The following NEDD4L variants were observed in gnomAD, a reference collection of about 807,000 sequenced individuals.
The protein encoded by NEDD4L is NEDD4 like E3 ubiquitin protein ligase.
In NEDD4L, 54 loss-of-function variants were observed where a neutral mutation model predicts 148.9. That is an observed-to-expected ratio of 0.36 (90% CI 0.29 to 0.45). The LOEUF (loss-of-function observed/expected upper bound fraction) is 0.45, where lower values mean the gene tolerates loss of function less well. Among genes scored for constraint, NEDD4L ranks in the 20% least tolerant of loss-of-function variants. NEDD4L has a pLI of 1.00. For missense variants in NEDD4L, 856 were observed against 1,233.8 expected (o/e 0.69, Z 4.59); for synonymous variants, 433 against 440.7 (o/e 0.98, Z 0.22).
intron 2 of NEDD4L, among the ~76,000 whole-genome samples, chr18:58,176,756 C>T (rs2038205408): frequency 6.6e-6 from 1 of 152,202 alleles, no homozygotes; most frequent in Non-Finnish European, 1.5e-5. Flanking sequence ...ACCAAAGACA[C>T]CTCTGCTTTA....
At chr18:58,181,239 C>T (rs565458888) in intron 2 of NEDD4L, among the ~76,000 whole-genome samples, 2 of 152,054 alleles carry the variant, frequency 1.3e-5, no homozygotes, top group South Asian at 2.1e-4. Context: ...TAGAATTATC[C>T]AAATAAAATG....
intron 2 of NEDD4L, among the ~76,000 whole-genome samples, chr18:58,169,110 C>T (rs1015211131): frequency 6.6e-5 from 10 of 152,342 alleles, no homozygotes; most frequent in Admixed American, 2.0e-4. Context: ...TGGCCCCTTC[C>T]CCCTTGAGAG....
intron 5 of NEDD4L, among the ~76,000 whole-genome samples, chr18:58,292,030 T>C (rs1678655943): frequency 6.6e-6 from 1 of 152,166 alleles, no homozygotes; most frequent in South Asian, 2.1e-4. Context: ...CTGGGAAAAG[T>C]ACCACAAAAG....
chr18:58,365,353 C>A lies in NEDD4L; in HGVS notation c.1834-646C>A, dbSNP rs190877599. ...GGCTCTCACATAGCAGTGTCTGCTA[C>A]CCGGAAACCATCTCTGCACATTCAT... On this transcript the variant is annotated intron_variant, in intron 20 of 30. Coordinates refer to ENST00000400345, the MANE Select transcript of NEDD4L (RefSeq NM_001144967.3). Among the ~76,000 whole-genome samples, 4 of 152,276 alleles carry A rather than the reference C, an allele frequency of 2.6e-5. 1 individual carries two copies. Among genetic ancestry groups the A allele is most frequent in the Admixed American group, 2.6e-4 (4 of 15,300 alleles).
intron 5 of NEDD4L, chr18:58,255,408 C>T: frequency 1.1e-6 from 1 of 902,366 alleles, no homozygotes; most frequent in Non-Finnish European, 1.4e-6. Context: ...GTTCTGGCCA[C>T]CCTACCCTCT....
At chr18:58,129,801 G>T (rs2031754154) in intron 1 of NEDD4L, among the ~76,000 whole-genome samples, 1 of 150,694 alleles carries the variant, frequency 6.6e-6, no homozygotes, top group Non-Finnish European at 1.5e-5. Flanking sequence ...GTTGGGCTCT[G>T]TTGGGGTTTG....
chr18:58,312,672 TTTTG>T (rs140393997), intron 5 of NEDD4L, among the ~76,000 whole-genome samples: 11,114 of 152,064 alleles, frequency 0.073, 1,303 homozygotes, highest in African/African-American at 0.25. Flanking sequence ...TGAAGACATT[TTTTG>T]TTTGTTTGTT....
At chr18:58,285,454 C>A (rs7231823) in intron 5 of NEDD4L, among the ~76,000 whole-genome samples, 1 of 151,840 alleles carries the variant, frequency 6.6e-6, no homozygotes, top group Non-Finnish European at 1.5e-5. Flanking sequence ...TTAGCCTCCC[C>A]AGTAGCTTGG....
In NEDD4L at chr18:58,251,513, C is replaced by CTCTG. The variant is rs201716829; in HGVS notation, c.244-474_244-471dup. ...TGGGCAACAGAACAAGACCGTCTGTCTCTGTCTGTCTGTCTGTGTGTTTGT... is the reference window on the plus strand; with the variant it reads ...TGGGCAACAGAACAAGACCGTCTGTCTCTGTCTGTCTGTCTGTCTGTGTGTTTGT... On this transcript the variant is annotated intron_variant, in intron 4 of 30. Transcript: ENST00000400345. Among the ~76,000 whole-genome samples the CTCTG allele has an allele frequency of 2.6e-3, 395 of 152,080 alleles. 2 individuals are homozygous for CTCTG. Among genetic ancestry groups the CTCTG allele is most frequent in the African/African-American group, 8.5e-3 (352 of 41,494 alleles).
chr18:58,261,897 A>G (rs1050556721), intron 5 of NEDD4L, among the ~76,000 whole-genome samples: 18 of 152,232 alleles, frequency 1.2e-4, no homozygotes, highest in African/African-American at 3.4e-4. Context: ...AGAATGGGAA[A>G]AAGCAGGAAA....
rs35545013 is a variant in NEDD4L, at chr18:58,398,157, T to TAAAAAAAAAAAAAAAAAAAAAAA, written c.*1903_*1925dup. On this transcript the variant is annotated 3_prime_UTR_variant, in exon 31 of 31. Transcript: ENST00000400345. ...TCAGAAAACTTAGATGCTATGTAACTAAAAAAAAAAAAAAAAAAAAAAAAA... is the reference window on the plus strand; with the variant it reads ...TCAGAAAACTTAGATGCTATGTAACTAAAAAAAAAAAAAAAAAAAAAAAAAAAAAAAAAAAAAAAAAAAAAAAA... 2 of 30,984 alleles carry TAAAAAAAAAAAAAAAAAAAAAAA rather than the reference T, an allele frequency of 6.5e-5. No individual in the cohort carries two copies. Among genetic ancestry groups the TAAAAAAAAAAAAAAAAAAAAAAA allele is most frequent in the African/African-American group, 1.8e-4 (2 of 10,904 alleles). The allele number at this position is 30,984 out of a possible 1,614,324, so 1.9% of individuals were successfully genotyped here. A position where few individuals can be genotyped will look rare whatever the true frequency, so the allele number is the denominator to read the frequency against.
intron 5 of NEDD4L, among the ~76,000 whole-genome samples, chr18:58,273,027 G>A (rs1435418323): frequency 2.6e-5 from 4 of 152,216 alleles, no homozygotes; most frequent in Non-Finnish European, 5.9e-5. Flanking sequence ...GCTGAGGCCT[G>A]GGAAGGACCC....
rs529750139 is a variant in NEDD4L, at chr18:58,095,386, G to C, written c.48+50678G>C. Reference sequence around the variant, plus strand: ...GAAGAATTCCCAGGGTGAACAGATGGGGGGAAGCCAGTTCGGGCAGAGGGA... The same window carrying C: ...GAAGAATTCCCAGGGTGAACAGATGCGGGGAAGCCAGTTCGGGCAGAGGGA... On this transcript the variant is annotated intron_variant, in intron 1 of 30. Coordinates refer to ENST00000400345, the MANE Select transcript of NEDD4L (RefSeq NM_001144967.3). 5.6e-4 allele frequency among the ~76,000 whole-genome samples: 86 copies of C among 152,344 alleles called. 1 individual carries two copies. Among genetic ancestry groups the C allele is most frequent in the African/African-American group, 1.9e-3 (80 of 41,566 alleles).
At chr18:58,255,780 T>C in intron 5 of NEDD4L, 2 of 1,232,588 alleles carry the variant, frequency 1.6e-6, no homozygotes, top group Non-Finnish European at 2.0e-6. Context: ...CCGCACCCCT[T>C]CGCCCAGAAC....
At chr18:58,203,304 A>G (rs2041624280) in intron 2 of NEDD4L, among the ~76,000 whole-genome samples, 1 of 152,216 alleles carries the variant, frequency 6.6e-6, no homozygotes, top group South Asian at 2.1e-4. Context: ...TAAAAACTTA[A>G]TTGCAAATTA....
intron 5 of NEDD4L, among the ~76,000 whole-genome samples, chr18:58,291,010 C>T (rs909173508): frequency 6.6e-5 from 10 of 151,856 alleles, no homozygotes; most frequent in South Asian, 2.1e-4. Flanking sequence ...CCAGGCCGAC[C>T]GACCCACATG....
At chr18:58,099,165 A>T (rs368588258) in intron 1 of NEDD4L, among the ~76,000 whole-genome samples, 1 of 151,674 alleles carries the variant, frequency 6.6e-6, no homozygotes, top group Admixed American at 6.6e-5. Flanking sequence ...GGTTATTTTG[A>T]CTTCCTTATA....
intron 4 of NEDD4L, among the ~76,000 whole-genome samples, chr18:58,250,684 C>T (rs1224854168): frequency 6.6e-6 from 1 of 152,124 alleles, no homozygotes; most frequent in African/African-American, 2.4e-5. Flanking sequence ...GCAGCCAGGG[C>T]CTAGGTCACC....
intron 1 of NEDD4L, among the ~76,000 whole-genome samples, chr18:58,057,804 A>C (rs2082155391): frequency 6.6e-6 from 1 of 152,090 alleles, no homozygotes. Context: ...GCTAATCCCC[A>C]CCACATCTGC....
Sources: gnomAD v4.1 joint callset for allele counts (sites outside exome capture counted in the v4.1 genomes callset) on GRCh38, gnomAD v4.1.1 for gene constraint, MANE v1.5 for transcripts, NCBI Gene and HGNC (gene_info 2026-07-23, HGNC 2026-07-21) for gene names.